Variants in EPAS1 observed in about 807,000 individuals in gnomAD.
EPAS1 encodes endothelial PAS domain-containing protein 1.
A neutral mutation model predicts 87.9 loss-of-function variants in EPAS1; 23 were observed. The ratio of observed to expected loss-of-function variants is 0.26; its 90% CI spans 0.19 to 0.37. The LOEUF is 0.37. Among genes scored for constraint, EPAS1 ranks in the 10% least tolerant of loss-of-function variants. The pLI, the probability that EPAS1 is intolerant of heterozygous loss-of-function variation, is 1.00. For synonymous variants in EPAS1, 508 were observed against 444.3 expected, an observed-to-expected ratio of 1.14 and a Z score of -1.80; for missense variants, 1,138 against 1,120.7, an observed-to-expected ratio of 1.02 and a Z score of -0.22.
intron 7 of EPAS1, among the ~76,000 whole-genome samples, chr2:46,373,242 CAT>C (rs776235423): frequency 6.6e-6 from 1 of 152,136 alleles, no homozygotes; most frequent in African/African-American, 2.4e-5. Flanking sequence ...TTCTTATAAA[CAT>C]ATACTTTACA....
chr2:46,301,896 A>G (rs1316787266), intron 1 of EPAS1, among the ~76,000 whole-genome samples: 1 of 152,084 alleles, frequency 6.6e-6, no homozygotes, highest in Non-Finnish European at 1.5e-5. Flanking sequence ...AGAAGTATGA[A>G]TTCATTGTTT....
At chr2:46,307,787 G>A (rs760201434) in intron 1 of EPAS1, among the ~76,000 whole-genome samples, 1 of 152,178 alleles carries the variant, frequency 6.6e-6, no homozygotes, top group Non-Finnish European at 1.5e-5. Flanking sequence ...CCCAGAAGAG[G>A]TCCACATGGT....
chr2:46,332,291 C>CGTGTGTGTGTGTGTGTGT (rs57893491), intron 1 of EPAS1, among the ~76,000 whole-genome samples: 2 of 110,800 alleles, frequency 1.8e-5, no homozygotes, highest in Non-Finnish European at 3.9e-5. Flanking sequence ...AAAAAAAATA[C>CGTGTGTGTGTGTGTGTGT]GTGTGTGTGT....
chr2:46,332,332 G>GTGTGTGTGTA lies in EPAS1; in HGVS notation c.27-14540_27-14539insGTGTGTGTAT, dbSNP rs146630883. Among the ~76,000 whole-genome samples the GTGTGTGTGTA allele has an allele frequency of 3.3e-3, 464 of 142,184 alleles. 4 individuals are homozygous for GTGTGTGTGTA. The highest frequency in any genetic ancestry group is 9.5e-3 in the East Asian group (46 of 4,844). The allele number at this position is 142,184 out of a possible 152,430, so 93.3% of individuals were successfully genotyped here. ...TGTGTGTGTGTGTGTGTGTGTGTGT[G>GTGTGTGTGTA]TATCAACTTGTTTTCTCTTTGGCTG... is the stretch of plus-strand genomic sequence containing the variant. On this transcript the variant is annotated intron_variant, in intron 1 of 15. Transcript: ENST00000263734.
rs1446406293 is a variant in EPAS1, at chr2:46,384,825, A to T, written c.*165A>T. ...CACCAAGCAGTGGCCTTTTTCTGAG[A>T]TGCTCACTTTATTATCCCTATTTTT... On this transcript the variant is annotated 3_prime_UTR_variant, in exon 16 of 16. Coordinates refer to ENST00000263734, the MANE Select transcript of EPAS1 (RefSeq NM_001430.5). 1.4e-5 allele frequency: 11 copies of T among 775,408 alleles called. No individual in the cohort carries two copies. The highest frequency in any genetic ancestry group is 2.3e-5 in the Non-Finnish European group (11 of 476,208). 48.0% of individuals were successfully genotyped at this position (775,408 alleles called of 1,614,324 possible). A position where few individuals can be genotyped will look rare whatever the true frequency, so the allele number is the denominator to read the frequency against.
At chr2:46,379,878 C>T (rs1684846802) in intron 11 of EPAS1, 2 of 403,502 alleles carry the variant, frequency 5.0e-6, no homozygotes, top group South Asian at 2.2e-5. Context: ...CAAGGATAAC[C>T]ACCACAGGCT....
rs553289634 is a variant in EPAS1, at chr2:46,339,880, G to A, written c.27-6993G>A. 3.9e-5 allele frequency among the ~76,000 whole-genome samples: 6 copies of A among 152,286 alleles called. No individual in the cohort carries two copies. In the East Asian group the frequency reaches 9.7e-4, roughly 25 times the overall value. ...GAGGGTTCCCCTGGGCCTCCTTTGC[G>A]AGTGCACTAATCCCATTCATGAGGA... is the stretch of plus-strand genomic sequence containing the variant. On this transcript the variant is annotated intron_variant, in intron 1 of 15. Transcript: ENST00000263734.
chr2:46,306,237 T>G (rs11894252), intron 1 of EPAS1, among the ~76,000 whole-genome samples: 6 of 151,960 alleles, frequency 3.9e-5, no homozygotes, highest in African/African-American at 1.2e-4. Context: ...ACATTTCACT[T>G]TTGATAAAAA....
chr2:46,375,704 C>A lies in EPAS1; in HGVS notation c.901C>A (p.Gln301Lys). Residue 301 changes from glutamine (Q) to lysine (K), a missense_variant, in exon 8 of 16, where the codon CAG becomes AAG. Gln to Lys is a moderately conservative substitution (Grantham distance 53). This residue lies in a region of EPAS1 where 351 missense variants were observed against 417.1 expected (regional missense o/e 0.84). Transcript: ENST00000263734. The surrounding 1 kb of genome is among the most constrained non-coding windows in gnomAD (Gnocchi z 4.1). ...KSHQNLCTKG[Q>K]VVSGQYRMLA... ...TCCTCCCCTAGTGTGCACCAAGGGT[C>A]AGGTAGTAAGTGGCCAGTACCGGAT... 1 of 1,614,092 alleles carries A rather than the reference C, an allele frequency of 6.2e-7. No homozygotes were observed. The highest frequency in any genetic ancestry group is 8.5e-7 in the Non-Finnish European group (1 of 1,180,002).
At chr2:46,328,785 C>T (rs1274437501) in intron 1 of EPAS1, among the ~76,000 whole-genome samples, 10 of 152,168 alleles carry the variant, frequency 6.6e-5, no homozygotes, top group Non-Finnish European at 1.2e-4. Flanking sequence ...CAATATCTTC[C>T]CATTGTAACT....
intron 1 of EPAS1, among the ~76,000 whole-genome samples, chr2:46,324,329 G>A (rs4953341): frequency 0.35 from 52,690 of 152,086 alleles, 11,956 homozygotes; most frequent in African/African-American, 0.64. Context: ...GGCCTCCCAA[G>A]GTGCTAGGAT....
chr2:46,330,267 ACAGAATC>A (rs1683648668), intron 1 of EPAS1, among the ~76,000 whole-genome samples: 1 of 152,142 alleles, frequency 6.6e-6, no homozygotes, highest in Non-Finnish European at 1.5e-5. Flanking sequence ...AAAAGGCTTT[ACAGAATC>A]CAGAATCCAG....
intron 1 of EPAS1, among the ~76,000 whole-genome samples, chr2:46,321,822 G>A (rs983168837): frequency 6.6e-6 from 1 of 151,966 alleles, no homozygotes; most frequent in African/African-American, 2.4e-5. Flanking sequence ...AAGGATGAAG[G>A]CACCATAAGG....
intron 1 of EPAS1, among the ~76,000 whole-genome samples, chr2:46,321,751 T>C (rs1321791622): frequency 7.7e-6 from 1 of 130,550 alleles, no homozygotes; most frequent in Non-Finnish European, 1.6e-5. Context: ...TGTTTACACC[T>C]GTGAGGCAAA....
At chr2:46,301,471 G>C (rs1682995552) in intron 1 of EPAS1, among the ~76,000 whole-genome samples, 1 of 151,846 alleles carries the variant, frequency 6.6e-6, no homozygotes, top group Admixed American at 6.6e-5. Flanking sequence ...CAGCTATTCT[G>C]GAGGCTGAGG....
At position 46,318,555 on chromosome 2, in the gene EPAS1, G is replaced by A. The variant is rs532310964; in HGVS notation, c.26+20618G>A. On this transcript the variant is annotated intron_variant, in intron 1 of 15. Coordinates refer to ENST00000263734, the MANE Select transcript of EPAS1 (RefSeq NM_001430.5). Reference sequence around the variant, plus strand: ...CCTGTGTTTCTTAACCATTTAACACGTGTAAAACTGTGCTACCATTTTTAT... The same window carrying A: ...CCTGTGTTTCTTAACCATTTAACACATGTAAAACTGTGCTACCATTTTTAT... 1.5e-3 allele frequency among the ~76,000 whole-genome samples: 233 copies of A among 152,296 alleles called. 1 individual carries two copies. Among genetic ancestry groups the A allele is most frequent in the African/African-American group, 5.1e-3 (211 of 41,564 alleles).
chr2:46,381,542 T>G (rs1454916558), intron 12 of EPAS1, 54 bp from the exon 13 acceptor site: 5 of 1,613,526 alleles, frequency 3.1e-6, no homozygotes, highest in Non-Finnish European at 4.2e-6. Flanking sequence ...GAGAAGGCAC[T>G]GAGTGGCATG....
chr2:46,382,819 G>A lies in EPAS1; in HGVS notation c.2461+221G>A, dbSNP rs1684931541. 2.0e-5 allele frequency among the ~76,000 whole-genome samples: 3 copies of A among 152,312 alleles called. No individual in the cohort carries two copies. The South Asian group carries it at 6.2e-4, about 32-fold the overall frequency. On this transcript the variant is annotated intron_variant, in intron 15 of 15. Transcript: ENST00000263734. Reference sequence around the variant, plus strand: ...CCCCAGTGGGTGGGTCTGAGACACAGCTAAAAAACTCAAACTCAGGCTAGA... The same window carrying A: ...CCCCAGTGGGTGGGTCTGAGACACAACTAAAAAACTCAAACTCAGGCTAGA...
At chr2:46,356,635 C>T in intron 3 of EPAS1, 89 bp from the exon 4 acceptor site, 1 of 1,049,812 alleles carries the variant, frequency 9.5e-7, no homozygotes, top group Non-Finnish European at 1.5e-6. Context: ...TCCTCCCTGC[C>T]TCCAAATCTG....
Sources: allele counts gnomAD v4.1 joint callset (sites outside exome capture counted in the v4.1 genomes callset), GRCh38; gene constraint gnomAD v4.1.1; regional missense constraint gnomAD v4.1.1; non-coding constraint Gnocchi (gnomAD v3.1); transcripts MANE v1.5; gene names NCBI Gene and HGNC (gene_info 2026-07-23, HGNC 2026-07-21).